Variants in IVD observed in about 807,000 individuals in gnomAD.
IVD encodes isovaleryl-CoA dehydrogenase.
In IVD, 31 loss-of-function variants were observed where a neutral mutation model predicts 51.3. That is an observed-to-expected ratio of 0.60 (90% CI 0.45 to 0.81). The LOEUF (loss-of-function observed/expected upper bound fraction) is 0.81, where lower values mean the gene tolerates loss of function less well. Among genes scored for constraint, IVD ranks in the 40% least tolerant of loss-of-function variants. The pLI is 0.00. For synonymous variants in IVD, 205 were observed against 219.4 expected, an observed-to-expected ratio of 0.93 and a Z score of 0.58; for missense variants, 475 against 552.0, an observed-to-expected ratio of 0.86 and a Z score of 1.40.
At chr15:40,435,750 T>C, downstream of IVD, 1 of 981,922 alleles carries the variant, frequency 1.0e-6, no homozygotes, top group Non-Finnish European at 1.2e-6. Flanking sequence ...TACTCGGCGC[T>C]TGGGGTGTCC....
At position 40,411,576 on chromosome 15, in the gene IVD, G is replaced by A; in HGVS notation, c.572G>A (p.Gly191Asp). ...TTAGGAAATCACTACATCCTGAATG[G>A]CAACAAGTTCTGGATCACTAATGGC... ...EKKGNHYILN[G>D]NKFWITNGPD... The change falls in exon 6 of 12, where the codon GGC (glycine) becomes GAC (aspartate). Residue 191 changes from glycine to aspartate, a missense_variant. Gly to Asp is a moderately conservative substitution (Grantham distance 94). Coordinates refer to ENST00000487418, the MANE Select transcript of IVD (RefSeq NM_002225.5). The A allele has an allele frequency of 1.2e-6, 2 of 1,614,214 alleles. No individual in the cohort carries two copies. The highest frequency in any genetic ancestry group is 2.7e-5 in the African/African-American group (2 of 75,046).
chr15:40,424,015 C>T (rs567530747), downstream of IVD: 23 of 403,910 alleles, frequency 5.7e-5, no homozygotes, highest in South Asian at 1.5e-4. Flanking sequence ...TGCAGGGGGC[C>T]GTTCCAGAAT....
In IVD at chr15:40,414,940, G is replaced by T; in HGVS notation, c.836G>T (p.Gly279Val). The change falls in exon 8 of 12, where the codon GGG (glycine) becomes GTG (valine). Residue 279 changes from glycine to valine, a missense_variant. By Grantham distance (109) the Gly-to-Val change is moderately radical. Transcript: ENST00000487418. Reference sequence around the variant, plus strand: ...AAGGGTGTCTACGTGCTGATGAGTGGGCTGGACCTGGAGCGGCTGGTGCTG... The same window carrying T: ...AAGGGTGTCTACGTGCTGATGAGTGTGCTGGACCTGGAGCGGCTGGTGCTG... ...ENKGVYVLMS[G>V]LDLERLVLAG... 6.2e-7 allele frequency: 1 copy of T among 1,614,154 alleles called. No individual in the cohort carries two copies. Among genetic ancestry groups the T allele is most frequent in the Non-Finnish European group, 8.5e-7 (1 of 1,180,014 alleles).
chr15:40,415,188 G>T, intron 8 of IVD: 1 of 742,122 alleles, frequency 1.3e-6, no homozygotes, highest in Admixed American at 2.4e-5. Flanking sequence ...CAGACAAAAG[G>T]CCTGAGGAGC....
At chr15:40,422,331 T>C (rs1357712293), downstream of IVD, among the ~76,000 whole-genome samples, 2 of 152,068 alleles carry the variant, frequency 1.3e-5, no homozygotes, top group African/African-American at 4.8e-5. Flanking sequence ...TCGCCCAAGC[T>C]GGAGTGCAGT....
At position 40,416,016 on chromosome 15, in the gene IVD, C is replaced by T. The variant is rs1891629044; in HGVS notation, c.961-62C>T. On this transcript the variant is annotated intron_variant, in intron 9 of 11. Transcript: ENST00000487418. ...TGGCTGTCTTGTTGCCATTGCTGAC[C>T]TGCTTTTGGTAACTGAGAGAGTGTT... is the stretch of plus-strand genomic sequence containing the variant. The T allele has an allele frequency of 2.7e-6, 4 of 1,504,446 alleles. No homozygotes were observed. The African/African-American group carries it at 5.5e-5, about 21-fold the overall frequency. 93.2% of individuals were successfully genotyped at this position (1,504,446 alleles called of 1,614,324 possible).
At chr15:40,435,544 C>T in exon 9 of IVD, 10 of 1,191,304 alleles carry the variant, frequency 8.4e-6, no homozygotes, top group Non-Finnish European at 1.1e-5. Flanking sequence ...TCACACCCCG[C>T]GTGCTGCTCC....
intron 3 of IVD, among the ~76,000 whole-genome samples, chr15:40,408,780 G>A (rs1006426488): frequency 6.6e-6 from 1 of 152,106 alleles, no homozygotes; most frequent in African/African-American, 2.4e-5. Flanking sequence ...GAGAAACTCT[G>A]TCTCTACTAA....
intron 7 of IVD, among the ~76,000 whole-genome samples, chr15:40,431,610 G>A (rs935507757): frequency 1.3e-5 from 2 of 151,994 alleles, no homozygotes; most frequent in South Asian, 2.1e-4. Flanking sequence ...CAGGAGAATG[G>A]TGTGAACTTG....
In IVD at chr15:40,416,102, A is replaced by T; in HGVS notation, c.985A>T (p.Met329Leu). Residue 329 changes from methionine to leucine, a missense_variant, in exon 10 of 12, where the codon ATG becomes TTG. Physicochemically the swap from Met to Leu is conservative, Grantham distance 15. Coordinates refer to ENST00000487418, the MANE Select transcript of IVD (RefSeq NM_002225.5). ...FQLMQGKMAD[M>L]YTRLMACRQY... The stretch of plus-strand genomic sequence containing the variant: ...GTTGATGCAGGGGAAGATGGCTGAC[A>T]TGTACACCCGCCTCATGGCGTGTCG... 1 of 1,614,230 alleles carries T rather than the reference A, an allele frequency of 6.2e-7. No homozygotes were observed. The highest frequency in any genetic ancestry group is 2.2e-5 in the East Asian group (1 of 44,888).
At chr15:40,411,142 C>T in intron 4 of IVD, 118 bp from the exon 5 acceptor site, 6 of 1,003,500 alleles carry the variant, frequency 6.0e-6, no homozygotes, top group Non-Finnish European at 9.6e-6. Context: ...TTTACCGACA[C>T]CCTGGTCTGA....
rs1219356782 is a variant in IVD, at chr15:40,411,358, G to A, written c.550+5G>A. On this transcript the variant is annotated splice_donor_5th_base_variant and intron_variant, in intron 5 of 11. Coordinates refer to ENST00000487418, the MANE Select transcript of IVD (RefSeq NM_002225.5). Reference sequence around the variant, plus strand: ...AGCTCAAAGCGGAAAAGAAAGGTGAGGCCACTCTCAACTTGGGAGCCAAAA... The same window carrying A: ...AGCTCAAAGCGGAAAAGAAAGGTGAAGCCACTCTCAACTTGGGAGCCAAAA... 8.1e-6 allele frequency: 13 copies of A among 1,614,060 alleles called. No individual in the cohort carries two copies. The South Asian group carries it at 1.4e-4, about 18-fold the overall frequency.
At chr15:40,415,959 A>G in intron 9 of IVD, 119 bp from the exon 10 acceptor site, 1 of 862,302 alleles carries the variant, frequency 1.2e-6, no homozygotes, top group Non-Finnish European at 1.9e-6. Context: ...AGTAAATCCC[A>G]TCTCCTCTCC....
downstream of IVD, among the ~76,000 whole-genome samples, chr15:40,429,326 T>C (rs1452094994): frequency 6.6e-6 from 1 of 152,096 alleles, no homozygotes; most frequent in Non-Finnish European, 1.5e-5. Context: ...AGAACTGGCA[T>C]TTGCTGAGGG....
Position 40,431,082 on chromosome 15 carries a change from A to G in IVD, c.720-2772A>G, listed in dbSNP as rs142647146. On this transcript the variant is annotated intron_variant, in intron 7 of 8. Transcript: ENST00000473112. ...GGAAGAAGTGATGGAGAAATCATTA[A>G]AAGTGACAAGGCTGGGATGTAAACC... Among the ~76,000 whole-genome samples the G allele has an allele frequency of 8.7e-4, 133 of 152,250 alleles. 1 individual carries two copies. The Middle Eastern group carries it at 0.02, about 23-fold the overall frequency.
chr15:40,432,789 A>T (rs1445853868), intron 7 of IVD, among the ~76,000 whole-genome samples: 1 of 152,180 alleles, frequency 6.6e-6, no homozygotes, highest in Admixed American at 6.5e-5. Context: ...TCTCCTCCAA[A>T]CCCAGCAAAG....
intron 8 of IVD, 177 bp downstream of exon 8, chr15:40,415,159 G>C: frequency 1.2e-6 from 1 of 802,858 alleles, no homozygotes; most frequent in South Asian, 1.7e-5. Flanking sequence ...TCCCACAGTG[G>C]GGAAATATCA....
rs2141353151 is a variant in IVD at position 40,415,115 on chromosome 15, T to C, written c.878+133T>C. 1.1e-5 allele frequency: 11 copies of C among 1,018,728 alleles called. No homozygotes were observed. The South Asian group carries it at 1.2e-4, about 11-fold the overall frequency. 63.1% of individuals were successfully genotyped at this position (1,018,728 alleles called of 1,614,324 possible). A position where few individuals can be genotyped will look rare whatever the true frequency, so the allele number is the denominator to read the frequency against. On this transcript the variant is annotated intron_variant, in intron 8 of 11. Coordinates refer to ENST00000487418, the MANE Select transcript of IVD (RefSeq NM_002225.5). ...CTTGGCCCTGCTCTCTCCTGGGAGA[T>C]GAAAGGAACCTCCTCTTCCCATGTT...
downstream of IVD, among the ~76,000 whole-genome samples, chr15:40,425,115 G>T (rs1419513045): frequency 6.6e-6 from 1 of 152,340 alleles, no homozygotes; most frequent in East Asian, 1.9e-4. Context: ...ACGAGAATGG[G>T]AGCTGGAAGG....
Sources: allele counts gnomAD v4.1 joint callset (sites outside exome capture counted in the v4.1 genomes callset), GRCh38; gene constraint gnomAD v4.1.1; transcripts MANE v1.5; gene names NCBI Gene and HGNC (gene_info 2026-07-23, HGNC 2026-07-21).